Variants in TEX14 observed in about 807,000 individuals in gnomAD.
The protein encoded by TEX14 is testis expressed 14, intercellular bridge forming factor, also known as inactive serine/threonine-protein kinase TEX14.
Under a neutral mutation model 178.6 loss-of-function variants are expected in TEX14, and 168 were observed. That is an observed-to-expected ratio of 0.94 (90% CI 0.83 to 1.07). The LOEUF (loss-of-function observed/expected upper bound fraction) is 1.07, where lower values mean the gene tolerates loss of function less well. TEX14 is among the 50% of genes least tolerant of loss of function. TEX14 has a pLI of 0.00. For synonymous variants in TEX14, 626 were observed against 634.1 expected (o/e 0.99, Z 0.19); for missense variants, 1,730 against 1,753.6 (o/e 0.99, Z 0.24).
At chr17:58,685,310 C>T (rs1349306965) in intron 1 of TEX14, among the ~76,000 whole-genome samples, 1 of 151,786 alleles carries the variant, frequency 6.6e-6, no homozygotes, top group African/African-American at 2.4e-5. Flanking sequence ...GTGGTGCACA[C>T]CTGTAATCCC....
chr17:58,631,743 A>C (rs2046311229), intron 2 of TEX14: 3 of 98,378 alleles, frequency 3.0e-5, no homozygotes, highest in Admixed American at 2.0e-4. Flanking sequence ...GAGAGAACAC[A>C]AATATCTCCC....
intron 1 of TEX14, among the ~76,000 whole-genome samples, chr17:58,655,293 C>T (rs1330916381): frequency 6.6e-6 from 1 of 152,076 alleles, no homozygotes; most frequent in Non-Finnish European, 1.5e-5. Flanking sequence ...AAGCGATTCT[C>T]CTGCCTCAGC....
At chr17:58,598,497 C>T (rs907612641) in intron 14 of TEX14, among the ~76,000 whole-genome samples, 5 of 152,028 alleles carry the variant, frequency 3.3e-5, no homozygotes, top group Non-Finnish European at 7.4e-5. Flanking sequence ...ACTAATAAAA[C>T]AGAAATTTAA....
chr17:58,647,261 TCCTGTAATC>T (rs1016780239), intron 2 of TEX14, among the ~76,000 whole-genome samples: 2 of 150,784 alleles, frequency 1.3e-5, no homozygotes, highest in Non-Finnish European at 3.0e-5. Context: ...GGTGGCTCAC[TCCTGTAATC>T]CCTGTAATCC....
chr17:58,661,156 A>G (rs571305542), intron 1 of TEX14: 1 of 823,680 alleles, frequency 1.2e-6, no homozygotes, highest in African/African-American at 1.7e-5. Flanking sequence ...CAACGAGGCT[A>G]GGATAAGCCG....
Position 58,611,347 on chromosome 17 carries a change from C to T in TEX14, c.1006-8G>A. ...CACTGGGAACTGGGACCGCTGCAAGCAAGAGATGAAATGCCACGAAAAAAA... is the reference window on the plus strand; with the variant it reads ...CACTGGGAACTGGGACCGCTGCAAGTAAGAGATGAAATGCCACGAAAAAAA... On this transcript the variant is annotated splice_region_variant and splice_polypyrimidine_tract_variant and intron_variant, in intron 9 of 31. Coordinates refer to ENST00000349033, the MANE Select transcript of TEX14 (RefSeq NM_031272.5). 2.5e-6 allele frequency: 4 copies of T among 1,592,180 alleles called. No homozygotes were observed. Among genetic ancestry groups the T allele is most frequent in the Non-Finnish European group, 3.4e-6 (4 of 1,165,454 alleles).
intron 10 of TEX14, 144 bp downstream of exon 10, chr17:58,611,017 A>T: frequency 1.6e-6 from 1 of 630,014 alleles, no homozygotes; most frequent in Non-Finnish European, 2.8e-6. Context: ...AGACAGGGTA[A>T]GGCATTTGGG....
chr17:58,603,467 A>C (rs1288052692), intron 11 of TEX14, among the ~76,000 whole-genome samples: 1 of 151,284 alleles, frequency 6.6e-6, no homozygotes, highest in East Asian at 2.0e-4. Flanking sequence ...AGGCAGGAGA[A>C]TCACTTGAAC....
At chr17:58,589,406 CA>C (rs2045066017) in intron 15 of TEX14, among the ~76,000 whole-genome samples, 1 of 150,562 alleles carries the variant, frequency 6.6e-6, no homozygotes, top group Non-Finnish European at 1.5e-5. Flanking sequence ...CCTAAAAATA[CA>C]AAAAATTAGC....
At chr17:58,600,883 T>G (rs963894736) in intron 13 of TEX14, among the ~76,000 whole-genome samples, 1 of 152,188 alleles carries the variant, frequency 6.6e-6, no homozygotes. Flanking sequence ...ATCTGTAATA[T>G]GAAGGCATTA....
At chr17:58,633,238 G>T (rs1310496040) in intron 2 of TEX14, among the ~76,000 whole-genome samples, 1 of 152,064 alleles carries the variant, frequency 6.6e-6, no homozygotes, top group Non-Finnish European at 1.5e-5. Context: ...ATTGTCTCAG[G>T]AAATATTTCC....
At chr17:58,663,944 G>A (rs1183007782) in intron 1 of TEX14, among the ~76,000 whole-genome samples, 6 of 152,142 alleles carry the variant, frequency 3.9e-5, no homozygotes, top group African/African-American at 9.7e-5. Flanking sequence ...TTGGGAGGCC[G>A]AGGTGCTGAT....
At chr17:58,577,786 G>A (rs937974339) in intron 20 of TEX14, among the ~76,000 whole-genome samples, 3 of 152,118 alleles carry the variant, frequency 2.0e-5, no homozygotes, top group Admixed American at 6.5e-5. Flanking sequence ...AAACTGACCC[G>A]GTTCCTGTCA....
At chr17:58,648,636 A>G (rs1008842921) in intron 2 of TEX14, among the ~76,000 whole-genome samples, 1 of 151,858 alleles carries the variant, frequency 6.6e-6, no homozygotes, top group Admixed American at 6.6e-5. Flanking sequence ...ACATATTTCA[A>G]CTGTACAGCA....
intron 1 of TEX14, among the ~76,000 whole-genome samples, chr17:58,683,912 A>C (rs1374739116): frequency 1.3e-5 from 2 of 150,496 alleles, no homozygotes; most frequent in African/African-American, 4.9e-5. Flanking sequence ...TAAAAATACA[A>C]AAATTAGCTG....
chr17:58,662,225 C>G (rs1246281204), intron 1 of TEX14, among the ~76,000 whole-genome samples: 5 of 150,748 alleles, frequency 3.3e-5, no homozygotes, highest in African/African-American at 9.7e-5. Context: ...CCGAGGTGGG[C>G]GGACTAGGAG....
rs766612760 is a variant in TEX14, at chr17:58,599,020, T to C, written c.2325A>G (p.Ser775=). The C allele has an allele frequency of 1.2e-6, 2 of 1,614,106 alleles. No individual in the cohort carries two copies. The highest frequency in any genetic ancestry group is 2.2e-5 in the South Asian group (2 of 91,076). Residue 775 remains serine, a synonymous_variant, in exon 14 of 32, where the codon TCA becomes TCG. Transcript: ENST00000349033. ...ACTTGTAGGCATTTGTAAACTCTCT[T>C]GAAGTGGCCCATAAAGACATGCGCT... ...QEERMSLWAT[S]REFTNAYKLP... is the part of the protein sequence containing the mutation.
At position 58,628,711 on chromosome 17, in the gene TEX14, C is replaced by CA. The variant is rs551353417; in HGVS notation, c.251+1728dup. 8.8e-3 allele frequency among the ~76,000 whole-genome samples: 1,187 copies of CA among 135,474 alleles called. 11 individuals are homozygous for CA. The highest frequency in any genetic ancestry group is 0.026 in the African/African-American group (942 of 36,868). 88.9% of individuals were successfully genotyped at this position (135,474 alleles called of 152,430 possible). A position where few individuals can be genotyped will look rare whatever the true frequency, so the allele number is the denominator to read the frequency against. On this transcript the variant is annotated intron_variant, in intron 3 of 31. Transcript: ENST00000349033. The stretch of plus-strand genomic sequence containing the variant: ...TGGGCAACAGAGTGAGACTCTGTCT[C>CA]AAAAAAAAAAAAAGACTACAAAAAT...
intron 1 of TEX14, among the ~76,000 whole-genome samples, chr17:58,683,796 G>A (rs1052954138): frequency 6.6e-6 from 1 of 150,990 alleles, no homozygotes; most frequent in African/African-American, 2.4e-5. Context: ...GTCAGGTGGA[G>A]TGGTTCCCGC....
Sources: gnomAD v4.1 joint callset for allele counts (sites outside exome capture counted in the v4.1 genomes callset) on GRCh38, gnomAD v4.1.1 for gene constraint, MANE v1.5 for transcripts, NCBI Gene and HGNC (gene_info 2026-07-23, HGNC 2026-07-21) for gene names.